Variants in STIM2 observed in about 807,000 individuals in gnomAD.
STIM2 encodes stromal interaction molecule 2.
Under a neutral mutation model 85.8 loss-of-function variants are expected in STIM2, and 31 were observed. That is an observed-to-expected ratio of 0.36 (90% confidence interval 0.27 to 0.49). STIM2 has a LOEUF of 0.49. Ranked by LOEUF, STIM2 falls within the 20% of genes least tolerant of loss-of-function variation. STIM2 has a pLI of 0.98. For missense variants in STIM2, 841 were observed against 927.6 expected (o/e 0.91, Z 1.21); for synonymous variants, 356 against 331.1 (o/e 1.08, Z -0.82).
intron 1 of STIM2, among the ~76,000 whole-genome samples, chr4:26,916,789 G>C (rs1331148742): frequency 6.6e-6 from 1 of 151,594 alleles, no homozygotes; most frequent in Non-Finnish European, 1.5e-5. Flanking sequence ...TAGGCATGCT[G>C]TTCTCTCTTC....
intron 3 of STIM2, among the ~76,000 whole-genome samples, chr4:26,994,194 A>G (rs147956116): frequency 7.3e-4 from 111 of 152,160 alleles, no homozygotes; most frequent in East Asian, 3.1e-3. Context: ...CTGCTGCTCT[A>G]TTATCTACAC....
At chr4:26,893,305 T>G (rs1469220978) in intron 1 of STIM2, among the ~76,000 whole-genome samples, 3 of 152,206 alleles carry the variant, frequency 2.0e-5, no homozygotes, top group African/African-American at 7.2e-5. Context: ...GCCAGAGTTG[T>G]CATTATTTCT....
chr4:26,972,413 C>T (rs1726993481), intron 3 of STIM2, among the ~76,000 whole-genome samples: 1 of 152,110 alleles, frequency 6.6e-6, no homozygotes, highest in South Asian at 2.1e-4. Flanking sequence ...GAGATACATT[C>T]CATTAATACC....
chr4:26,883,013 T>TC (rs1723084677), intron 1 of STIM2, among the ~76,000 whole-genome samples: 2 of 151,240 alleles, frequency 1.3e-5, no homozygotes, highest in South Asian at 4.2e-4. Flanking sequence ...AATTTTTTTT[T>TC]TTTTTTTGTA....
chr4:26,989,446 A>G (rs956890730), intron 3 of STIM2, among the ~76,000 whole-genome samples: 9 of 152,208 alleles, frequency 5.9e-5, no homozygotes, highest in African/African-American at 1.9e-4. Context: ...AATTGGGTAT[A>G]TAAGGAGCAT....
intron 4 of STIM2, among the ~76,000 whole-genome samples, chr4:26,996,375 C>T (rs937956971): frequency 1.3e-5 from 2 of 151,844 alleles, no homozygotes; most frequent in Admixed American, 6.6e-5. Context: ...GGATGATTTC[C>T]TACATCCAAA....
intron 3 of STIM2, among the ~76,000 whole-genome samples, chr4:26,984,690 T>C (rs1172658558): frequency 6.6e-6 from 1 of 152,174 alleles, no homozygotes; most frequent in Admixed American, 6.5e-5. Context: ...TTAAGATATA[T>C]CTTTGTTATT....
intron 3 of STIM2, among the ~76,000 whole-genome samples, chr4:26,994,597 C>A (rs1245234344): frequency 1.3e-5 from 2 of 152,022 alleles, no homozygotes; most frequent in African/African-American, 4.8e-5. Flanking sequence ...GAACAACATT[C>A]TAAAAAAAGA....
intron 1 of STIM2, among the ~76,000 whole-genome samples, chr4:26,880,198 A>T (rs1252133764): frequency 6.6e-6 from 1 of 152,136 alleles, no homozygotes; most frequent in Non-Finnish European, 1.5e-5. Flanking sequence ...CTGCTGGAGT[A>T]TGTGAAACTC....
intron 3 of STIM2, among the ~76,000 whole-genome samples, chr4:26,980,235 T>C (rs1243292768): frequency 6.6e-6 from 1 of 152,252 alleles, no homozygotes; most frequent in East Asian, 1.9e-4. Flanking sequence ...AGGCAGGATT[T>C]AGAGATCATT....
At chr4:26,863,439 C>T (rs1722291827) in intron 1 of STIM2, among the ~76,000 whole-genome samples, 1 of 152,048 alleles carries the variant, frequency 6.6e-6, no homozygotes, top group Non-Finnish European at 1.5e-5. Context: ...GCACCCATAT[C>T]TTGGTAAAGG....
intron 2 of STIM2, among the ~76,000 whole-genome samples, chr4:26,929,947 T>A (rs1324754554): frequency 6.6e-6 from 1 of 152,140 alleles, no homozygotes; most frequent in Non-Finnish European, 1.5e-5. Context: ...AAGTGTATCA[T>A]GTGTACAGTA....
chr4:26,862,745 G>A (rs1722266283), intron 1 of STIM2, among the ~76,000 whole-genome samples: 1 of 152,206 alleles, frequency 6.6e-6, no homozygotes, highest in Middle Eastern at 3.2e-3. Flanking sequence ...TAGGAGCATA[G>A]TACAGTTTGA....
chr4:26,893,556 A>G (rs1051608766), intron 1 of STIM2, among the ~76,000 whole-genome samples: 6 of 152,086 alleles, frequency 3.9e-5, no homozygotes, highest in African/African-American at 1.4e-4. Context: ...CACTTTTCTT[A>G]TGAAGCTTTT....
intron 1 of STIM2, among the ~76,000 whole-genome samples, chr4:26,881,036 A>G (rs1722996849): frequency 6.6e-6 from 1 of 152,150 alleles, no homozygotes; most frequent in Non-Finnish European, 1.5e-5. Context: ...TGTTCTGAAT[A>G]TATGTGTCTC....
intron 1 of STIM2, among the ~76,000 whole-genome samples, chr4:26,897,229 A>G (rs1560199198): frequency 6.6e-6 from 1 of 152,198 alleles, no homozygotes; most frequent in Non-Finnish European, 1.5e-5. Flanking sequence ...TGGCAGTATC[A>G]TTTTACATTC....
intron 1 of STIM2, among the ~76,000 whole-genome samples, chr4:26,878,263 T>C (rs1009447079): frequency 2.6e-5 from 4 of 152,030 alleles, no homozygotes; most frequent in African/African-American, 9.7e-5. Context: ...GTCTTGAGAG[T>C]AGAACCTTTT....
At chr4:26,981,717 T>C (rs1255231679) in intron 3 of STIM2, among the ~76,000 whole-genome samples, 2 of 152,224 alleles carry the variant, frequency 1.3e-5, no homozygotes, top group African/African-American at 2.4e-5. Flanking sequence ...CCAGTAATCT[T>C]CAAAAACATC....
chr4:26,912,310 C>T (rs1170808461), intron 1 of STIM2, among the ~76,000 whole-genome samples: 1 of 152,144 alleles, frequency 6.6e-6, no homozygotes, highest in Admixed American at 6.5e-5. Flanking sequence ...ATTGAGTCAC[C>T]TGGCTCCCCT....
Sources: allele counts gnomAD v4.1 joint callset (sites outside exome capture counted in the v4.1 genomes callset), GRCh38; gene constraint gnomAD v4.1.1; transcripts MANE v1.5; gene names NCBI Gene and HGNC (gene_info 2026-07-23, HGNC 2026-07-21).